PTPA: variants seen among roughly 807,000 people sequenced by gnomAD.
PTPA encodes the protein serine/threonine-protein phosphatase 2A activator.
PTPA carries 13 observed loss-of-function variants against 43.6 expected under a neutral mutation model. That is an observed-to-expected ratio of 0.30 (90% confidence interval 0.19 to 0.47). The LOEUF (loss-of-function observed/expected upper bound fraction) is 0.47. PTPA is among the 20% of genes least tolerant of loss of function. The pLI is 0.99. For missense variants in PTPA, 329 were observed against 411.9 expected (o/e 0.80, Z 1.74); for synonymous variants, 172 against 158.2 (o/e 1.09, Z -0.66).
intron 1 of PTPA, among the ~76,000 whole-genome samples, chr9:129,118,864 A>G (rs982088889): frequency 1.1e-4 from 17 of 151,216 alleles, no homozygotes; most frequent in Non-Finnish European, 2.4e-4. Flanking sequence ...CCGTGAGCAC[A>G]TCTGAAAGAT....
intron 9 of PTPA, among the ~76,000 whole-genome samples, chr9:129,146,297 G>A (rs1851297555): frequency 6.6e-6 from 1 of 152,110 alleles, no homozygotes; most frequent in Non-Finnish European, 1.5e-5. Flanking sequence ...ACCCCACCAT[G>A]AGCTTGGTTT....
chr9:129,117,738 C>T (rs1848974124), intron 1 of PTPA, among the ~76,000 whole-genome samples: 2 of 148,296 alleles, frequency 1.3e-5, no homozygotes, highest in South Asian at 4.3e-4. Context: ...CACTCTGTCA[C>T]CCAGGCTGGA....
At chr9:129,111,336 G>A (rs952614404), upstream of PTPA, 5 of 1,128,466 alleles carry the variant, frequency 4.4e-6, no homozygotes, top group African/African-American at 5.0e-5. Context: ...CGCGCGCCCC[G>A]CACTGACATG....
intron 3 of PTPA, among the ~76,000 whole-genome samples, chr9:129,123,945 A>C (rs1288832921): frequency 6.6e-6 from 1 of 152,136 alleles, no homozygotes; most frequent in East Asian, 1.9e-4. Context: ...GGCCTCCCAA[A>C]GTGCTGGGAT....
At chr9:129,111,300 T>A (rs895075936), upstream of PTPA, 43 of 1,128,960 alleles carry the variant, frequency 3.8e-5, no homozygotes, top group Non-Finnish European at 4.7e-5. Flanking sequence ...TCCTAGCGCT[T>A]GGCGGCCGTT....
chr9:129,112,544 C>T (rs1358127015), intron 1 of PTPA, among the ~76,000 whole-genome samples: 3 of 152,214 alleles, frequency 2.0e-5, no homozygotes, highest in Non-Finnish European at 4.4e-5. Flanking sequence ...GCATCCCCTC[C>T]ATGCCCCACA....
At chr9:129,115,286 T>A (rs573869332) in intron 1 of PTPA, among the ~76,000 whole-genome samples, 1 of 152,312 alleles carries the variant, frequency 6.6e-6, no homozygotes, top group East Asian at 1.9e-4. Flanking sequence ...AATAGCAGTT[T>A]TGGGTTCTGG....
At chr9:129,118,862 A>ACATCT (rs1205757792) in intron 1 of PTPA, among the ~76,000 whole-genome samples, 2 of 150,916 alleles carry the variant, frequency 1.3e-5, no homozygotes, top group Non-Finnish European at 2.9e-5. Context: ...TTCCGTGAGC[A>ACATCT]CATCTGAAAG....
chr9:129,147,775 C>G lies in PTPA; in HGVS notation c.*311C>G. 1 of 367,238 alleles carries G rather than the reference C, an allele frequency of 2.7e-6. No individual in the cohort carries two copies. The highest frequency in any genetic ancestry group is 5.2e-6 in the Non-Finnish European group (1 of 193,670). 22.7% of individuals were successfully genotyped at this position (367,238 alleles called of 1,614,324 possible). A position where few individuals can be genotyped will look rare whatever the true frequency, so the allele number is the denominator to read the frequency against. On this transcript the variant is annotated 3_prime_UTR_variant, in exon 10 of 10. Transcript: ENST00000393370. Reference sequence around the variant, plus strand: ...TGGCCTCTTCTCCCTTCACTCCCGTCCAGTCTGGTTTTGAGAGCAGGGGCT... The same window carrying G: ...TGGCCTCTTCTCCCTTCACTCCCGTGCAGTCTGGTTTTGAGAGCAGGGGCT...
intron 9 of PTPA, among the ~76,000 whole-genome samples, chr9:129,145,066 C>T (rs112126954): frequency 6.6e-6 from 1 of 150,938 alleles, no homozygotes; most frequent in Non-Finnish European, 1.5e-5. Context: ...TGCGGTGGCT[C>T]ATGCCTATAA....
chr9:129,143,656 C>A, intron 9 of PTPA: 1 of 522,626 alleles, frequency 1.9e-6, no homozygotes, highest in Non-Finnish European at 3.5e-6. Context: ...TCCCTTCCGC[C>A]CCCTCCCCCT....
intron 9 of PTPA, among the ~76,000 whole-genome samples, chr9:129,146,464 G>A (rs1236438045): frequency 6.6e-6 from 1 of 152,234 alleles, no homozygotes; most frequent in African/African-American, 2.4e-5. Flanking sequence ...TAAGATCACA[G>A]CCACAGAGTG....
chr9:129,126,254 T>TA (rs1298678877), intron 3 of PTPA, among the ~76,000 whole-genome samples: 1 of 152,106 alleles, frequency 6.6e-6, no homozygotes, highest in East Asian at 1.9e-4. Context: ...AGTTCAATGG[T>TA]ACGATCTCGG....
chr9:129,137,880 C>T (rs1018376018), intron 8 of PTPA, 188 bp downstream of exon 8: 1 of 637,182 alleles, frequency 1.6e-6, no homozygotes, highest in Non-Finnish European at 2.9e-6. Flanking sequence ...ACTGTCAGGT[C>T]CTCCGCCCAG....
rs17486282 is a variant in PTPA at position 129,122,125 on chromosome 9, C to T, written c.130-927C>T. 5.1e-3 allele frequency among the ~76,000 whole-genome samples: 770 copies of T among 151,878 alleles called. 5 individuals are homozygous for T. Among genetic ancestry groups the T allele is most frequent in the African/African-American group, 0.017 (715 of 41,454 alleles). On this transcript the variant is annotated intron_variant, in intron 2 of 9. Transcript: ENST00000393370. ...CTCAATGCTATTTTTTTTTTTGAGA[C>T]AGGGTCTCACCCTGGCCCCCAGGCT...
chr9:129,134,812 G>T lies in PTPA; in HGVS notation c.478G>T (p.Ala160Ser). Residue 160 changes from alanine (A) to serine (S), a missense_variant, in exon 6 of 10, where the codon GCT becomes TCT. Physicochemically the swap from Ala to Ser is moderately conservative, Grantham distance 99. Coordinates refer to ENST00000393370, the MANE Select transcript of PTPA (RefSeq NM_178000.3). ...DYGTGHEAAF[A>S]AFLCCLCKIG... ...TCCTCCAGGGCATGAGGCAGCCTTC[G>T]CTGCTTTCCTCTGCTGTCTCTGCAA... 2 of 1,613,958 alleles carry T rather than the reference G, an allele frequency of 1.2e-6. No individual in the cohort carries two copies. The highest frequency in any genetic ancestry group is 2.2e-5 in the South Asian group (2 of 91,056).
chr9:129,142,534 C>T lies in PTPA; in HGVS notation c.876C>T (p.Ile292=). The T allele has an allele frequency of 1.9e-6, 3 of 1,614,166 alleles. No homozygotes were observed. Among genetic ancestry groups the T allele is most frequent in the Non-Finnish European group, 2.5e-6 (3 of 1,180,006 alleles). ...PSWSKVNQGL[I]RMYKAECLEK... ...GGTCCAAAGTGAACCAGGGTCTCAT[C>T]CGCATGTATAAGGCCGAGGTGAGTG... The change falls in exon 9 of 10, where the codon ATC becomes ATT. Residue 292 remains isoleucine (I), a synonymous_variant. Coordinates refer to ENST00000393370, the MANE Select transcript of PTPA (RefSeq NM_178000.3).
In PTPA at chr9:129,128,986, C is replaced by A; in HGVS notation, c.218C>A (p.Ala73Asp). ...GACCCCTCTATTTTGCCTCCACAGGCCATTGAGAAACTAGTCGCTCTTCTC... is the reference window on the plus strand; with the variant it reads ...GACCCCTCTATTTTGCCTCCACAGGACATTGAGAAACTAGTCGCTCTTCTC... ...KLTFEYRVSE[A>D]IEKLVALLNT... Residue 73 changes from alanine to aspartate, a missense_variant and splice_region_variant, in exon 4 of 10, where the codon GCC (alanine) becomes GAC (aspartate). Ala to Asp is a moderately radical substitution (Grantham distance 126). Transcript: ENST00000393370. The A allele has an allele frequency of 6.2e-7, 1 of 1,613,196 alleles. No homozygotes were observed. The highest frequency in any genetic ancestry group is 2.2e-5 in the East Asian group (1 of 44,872).
Position 129,129,088 on chromosome 9 carries a change from C to A in PTPA, c.320C>A (p.Thr107Asn). 6.2e-7 allele frequency: 1 copy of A among 1,612,358 alleles called. No homozygotes were observed. The highest frequency in any genetic ancestry group is 8.5e-7 in the Non-Finnish European group (1 of 1,179,980). Residue 107 changes from threonine to asparagine, a missense_variant, in exon 4 of 10, where the codon ACC becomes AAC. By Grantham distance (65) the Thr-to-Asn change is moderately conservative. Coordinates refer to ENST00000393370, the MANE Select transcript of PTPA (RefSeq NM_178000.3). ...PSRFGNKAYR[T>N]WYAKLDEEAE... ...CGGTTTGGGAATAAGGCATACAGGA[C>A]CTGGTATGCCAAACTTGATGAGGTG... is the stretch of plus-strand genomic sequence containing the variant.
Sources: gnomAD v4.1 joint callset for allele counts (sites outside exome capture counted in the v4.1 genomes callset) on GRCh38, gnomAD v4.1.1 for gene constraint, MANE v1.5 for transcripts, NCBI Gene and HGNC (gene_info 2026-07-23, HGNC 2026-07-21) for gene names.